The following IFT140 variants were observed in gnomAD, a reference collection of about 807,000 sequenced individuals.
IFT140 encodes intraflagellar transport protein 140 homolog.
IFT140 carries 133 observed loss-of-function variants against 164.6 expected under a neutral mutation model. The ratio of observed to expected loss-of-function variants is 0.81; its 90% CI spans 0.70 to 0.93. The LOEUF is 0.93. Among genes scored for constraint, IFT140 ranks in the 40% least tolerant of loss-of-function variants. The pLI is 0.00. For missense variants in IFT140, 2,045 were observed against 1,972.3 expected (o/e 1.04, Z -0.70); for synonymous variants, 860 against 817.3 (o/e 1.05, Z -0.89).
At chr16:1,518,776 C>T (rs1224176048) in intron 29 of IFT140, among the ~76,000 whole-genome samples, 2 of 151,864 alleles carry the variant, frequency 1.3e-5, no homozygotes, top group African/African-American at 2.4e-5. Flanking sequence ...ACACAGGCTG[C>T]GTGTGTGACC....
chr16:1,601,831 G>A (rs962242695), intron 4 of IFT140, among the ~76,000 whole-genome samples: 3 of 152,258 alleles, frequency 2.0e-5, no homozygotes, highest in African/African-American at 7.2e-5. Flanking sequence ...CTTGGAACAT[G>A]TGAATGTGTT....
intron 19 of IFT140, among the ~76,000 whole-genome samples, chr16:1,540,332 G>A (rs760587621): frequency 2.6e-5 from 4 of 152,216 alleles, no homozygotes; most frequent in African/African-American, 7.2e-5. Flanking sequence ...TGGTTCCAAC[G>A]GATACTTCTA....
At chr16:1,520,904 C>T (rs574070605) in intron 26 of IFT140, 96 bp from the exon 27 acceptor site, 17 of 1,170,230 alleles carry the variant, frequency 1.5e-5, no homozygotes, top group East Asian at 7.6e-5. Flanking sequence ...CCAGGCCCCT[C>T]GGCTCAGCGG....
At chr16:1,593,034 G>A (rs2035273344) in intron 4 of IFT140, among the ~76,000 whole-genome samples, 1 of 151,552 alleles carries the variant, frequency 6.6e-6, no homozygotes. Context: ...CAGGTGTCCT[G>A]GCAGAGTGAC....
chr16:1,518,440 T>C, intron 29 of IFT140, 83 bp from the exon 30 acceptor site: 1 of 1,363,594 alleles, frequency 7.3e-7, no homozygotes, highest in Non-Finnish European at 9.8e-7. Context: ...TCTTGGCCTG[T>C]AAGAGGAGCT....
chr16:1,568,081 A>G, intron 15 of IFT140, 136 bp downstream of exon 15: 1 of 651,142 alleles, frequency 1.5e-6, no homozygotes, highest in Non-Finnish European at 2.7e-6. Flanking sequence ...GACGAGGGGA[A>G]GGAGAGTGGG....
intron 15 of IFT140, among the ~76,000 whole-genome samples, chr16:1,567,175 A>AGCTGCTCGAGCCCTCCAGTG (rs2033764292): frequency 6.6e-6 from 1 of 152,162 alleles, no homozygotes; most frequent in Non-Finnish European, 1.5e-5. Context: ...GCCCCACTGC[A>AGCTGCTCGAGCCCTCCAGTG]GCTGCTCGAG....
intron 13 of IFT140, among the ~76,000 whole-genome samples, chr16:1,572,456 C>T (rs2034071257): frequency 1.3e-5 from 2 of 152,144 alleles, no homozygotes; most frequent in South Asian, 2.1e-4. Flanking sequence ...ACCATCCAGG[C>T]TAACACGGTG....
At chr16:1,526,253 G>T in intron 20 of IFT140, 176 bp from the exon 21 acceptor site, 1 of 650,358 alleles carries the variant, frequency 1.5e-6, no homozygotes, top group Non-Finnish European at 2.6e-6. Flanking sequence ...CCCGTCCCAC[G>T]GCTGGAGAGT....
chr16:1,566,272 G>GA lies in IFT140; in HGVS notation c.1789dup (p.Ser597PhefsTer9). 1 of 1,613,550 alleles carries GA rather than the reference G, an allele frequency of 6.2e-7. No individual in the cohort carries two copies. Among genetic ancestry groups the GA allele is most frequent in the Non-Finnish European group, 8.5e-7 (1 of 1,179,610 alleles). ...TTCAACATCGTAGAAGCAGATTTTG[G>GA]AATCAGGGCTGTTGTCAGCCTAGGA... On this transcript the variant is annotated frameshift_variant, in exon 16 of 31. Transcript: ENST00000426508. LOFTEE classifies it high-confidence loss of function.
In IFT140 at chr16:1,584,205, C is replaced by G. The variant is rs150859038; in HGVS notation, c.1359+12G>C. 345 of 1,610,730 alleles carry G rather than the reference C, an allele frequency of 2.1e-4. 1 individual carries two copies. In the African/African-American group the frequency reaches 3.6e-3, roughly 17 times the overall value. On this transcript the variant is annotated intron_variant, in intron 11 of 30. Transcript: ENST00000426508. ...TGTCTGTGTCCCACCCACGGGTCCC[C>G]TCGGCAGTCACCTTGGTGGCAAACA... is the stretch of plus-strand genomic sequence containing the variant.
In IFT140 at chr16:1,523,654, T is replaced by C; in HGVS notation, c.3317A>G (p.Gln1106Arg). The C allele has an allele frequency of 6.2e-7, 1 of 1,613,878 alleles. No individual in the cohort carries two copies. The highest frequency in any genetic ancestry group is 1.1e-5 in the South Asian group (1 of 91,078). The change falls in exon 26 of 31, where the codon CAG becomes CGG. Residue 1106 changes from glutamine (Q) to arginine (R), a missense_variant. Coordinates refer to ENST00000426508, the MANE Select transcript of IFT140 (RefSeq NM_014714.4). ...TGCTATGAGCTGTAGGGCCACAAAC[T>C]GCTGGGTGGCAAAGGCCAGCTCCAG... ...KALELAFATQ[Q>R]FVALQLIAED...
chr16:1,518,400 C>T lies in IFT140; in HGVS notation c.4041-43G>A, dbSNP rs967058312. Reference sequence around the variant, plus strand: ...GAGGCCTGGGCCCCGAAGCCCTGAACACCTACTGCTATCAGAGGTCAGAGG... The same window carrying T: ...GAGGCCTGGGCCCCGAAGCCCTGAATACCTACTGCTATCAGAGGTCAGAGG... On this transcript the variant is annotated intron_variant, in intron 29 of 30. Transcript: ENST00000426508. 4 of 1,586,598 alleles carry T rather than the reference C, an allele frequency of 2.5e-6. No individual in the cohort carries two copies. The African/African-American group carries it at 5.4e-5, about 21-fold the overall frequency.
intron 19 of IFT140, among the ~76,000 whole-genome samples, chr16:1,543,460 C>T (rs902395577): frequency 3.4e-5 from 5 of 149,230 alleles, no homozygotes; most frequent in African/African-American, 9.8e-5. Flanking sequence ...CTTCCCCTGG[C>T]GGGTAGGGGC....
chr16:1,604,272 G>GACGT (rs1567431201), intron 3 of IFT140: 1 of 42,886 alleles, frequency 2.3e-5, no homozygotes, highest in African/African-American at 1.0e-4. Flanking sequence ...GCGCTGCAAG[G>GACGT]GCGTGTGTGT....
intron 19 of IFT140, among the ~76,000 whole-genome samples, chr16:1,537,486 G>A (rs2031192994): frequency 6.6e-6 from 1 of 152,260 alleles, no homozygotes; most frequent in Admixed American, 6.5e-5. Context: ...CCAGGGCAGA[G>A]GAGCCCGGTC....
At chr16:1,608,991 T>C (rs2142124968) in intron 2 of IFT140, among the ~76,000 whole-genome samples, 1 of 152,128 alleles carries the variant, frequency 6.6e-6, no homozygotes, top group East Asian at 1.9e-4. Context: ...TCTTCTCTAC[T>C]AAAAAATACA....
chr16:1,604,000 G>C (rs2035923176), intron 3 of IFT140, among the ~76,000 whole-genome samples: 1 of 152,142 alleles, frequency 6.6e-6, no homozygotes, highest in Non-Finnish European at 1.5e-5. Context: ...TTTTATAATA[G>C]TATGCTTTAG....
chr16:1,552,648 C>CT (rs11409894), intron 19 of IFT140, among the ~76,000 whole-genome samples: 41,488 of 127,554 alleles, frequency 0.33, 7,686 homozygotes, highest in African/African-American at 0.47. Context: ...AAAGAGAATG[C>CT]TTTTTTTTTT....
Sources: allele counts gnomAD v4.1 joint callset (sites outside exome capture counted in the v4.1 genomes callset), GRCh38; gene constraint gnomAD v4.1.1; transcripts MANE v1.5; gene names NCBI Gene and HGNC (gene_info 2026-07-23, HGNC 2026-07-21).